STEAP1B: variants seen among roughly 807,000 people sequenced by gnomAD.
STEAP1B encodes STEAP family member 1B, also known as STEAP family protein MGC87042.
In STEAP1B, 13 loss-of-function variants were observed where a neutral mutation model predicts 27.9. That is an observed-to-expected ratio of 0.47 (90% confidence interval 0.30 to 0.74). The LOEUF (loss-of-function observed/expected upper bound fraction) is 0.74, where lower values mean the gene tolerates loss of function less well. Ranked by LOEUF, STEAP1B falls within the 30% of genes least tolerant of loss-of-function variation. The pLI is 0.06. For missense variants in STEAP1B, 250 were observed against 298.7 expected (o/e 0.84, Z 1.20); for synonymous variants, 86 against 107.1 (o/e 0.80, Z 1.22).
chr7:22,466,193 A>G (rs1785779285), intron 4 of STEAP1B, among the ~76,000 whole-genome samples: 1 of 152,128 alleles, frequency 6.6e-6, no homozygotes, highest in South Asian at 2.1e-4. Context: ...AAAGTTGTAT[A>G]TATTTCTTGT....
At chr7:22,474,330 T>C (rs1785935595) in intron 4 of STEAP1B, among the ~76,000 whole-genome samples, 1 of 152,202 alleles carries the variant, frequency 6.6e-6, no homozygotes, top group Non-Finnish European at 1.5e-5. Flanking sequence ...TAAAAAATAC[T>C]GATGCCTGGT....
At chr7:22,479,224 G>C (rs565702866) in intron 4 of STEAP1B, among the ~76,000 whole-genome samples, 1 of 152,154 alleles carries the variant, frequency 6.6e-6, no homozygotes, top group African/African-American at 2.4e-5. Flanking sequence ...CATAAACCAG[G>C]GTGGGGAATG....
chr7:22,452,174 G>A (rs1428811415), intron 4 of STEAP1B, among the ~76,000 whole-genome samples: 1 of 152,168 alleles, frequency 6.6e-6, no homozygotes, highest in Non-Finnish European at 1.5e-5. Context: ...TACCACCCTT[G>A]ACTGAGGGAA....
At position 22,482,106 on chromosome 7, in the gene STEAP1B, G is replaced by C. The variant is rs1786086112; in HGVS notation, c.762+10459C>G. On this transcript the variant is annotated intron_variant, in intron 4 of 4. Coordinates refer to ENST00000678116, the MANE Select transcript of STEAP1B (RefSeq NM_001382447.1). ...AGATTCCCAGAGTCCTGCTTGCAAGGGTAGCTGAGTACAGGCATCTCACCA... is the reference window on the plus strand; with the variant it reads ...AGATTCCCAGAGTCCTGCTTGCAAGCGTAGCTGAGTACAGGCATCTCACCA... Among the ~76,000 whole-genome samples the C allele has an allele frequency of 2.0e-5, 3 of 152,272 alleles. No individual in the cohort carries two copies. The South Asian group carries it at 6.2e-4, about 32-fold the overall frequency.
At chr7:22,487,030 C>T (rs1786222691) in intron 4 of STEAP1B, among the ~76,000 whole-genome samples, 1 of 152,170 alleles carries the variant, frequency 6.6e-6, no homozygotes, top group East Asian at 1.9e-4. Flanking sequence ...TGTCTTTTCA[C>T]ATAGATAGAG....
intron 4 of STEAP1B, among the ~76,000 whole-genome samples, chr7:22,426,105 G>A (rs910398467): frequency 6.6e-6 from 1 of 152,198 alleles, no homozygotes; most frequent in African/African-American, 2.4e-5. Flanking sequence ...CTGCCCTGGA[G>A]GTCAGAAATC....
intron 4 of STEAP1B, among the ~76,000 whole-genome samples, chr7:22,442,788 G>T (rs1433832947): frequency 6.6e-6 from 1 of 152,196 alleles, no homozygotes; most frequent in Admixed American, 6.5e-5. Context: ...AGGGTGTCCT[G>T]GGTTGCCGCC....
chr7:22,437,427 C>T (rs575835212), intron 4 of STEAP1B, among the ~76,000 whole-genome samples: 4 of 152,216 alleles, frequency 2.6e-5, no homozygotes, highest in East Asian at 1.9e-4. Context: ...TCACATATGG[C>T]GGGATTTCCT....
intron 4 of STEAP1B, among the ~76,000 whole-genome samples, chr7:22,432,827 T>G (rs1055721190): frequency 4.6e-5 from 7 of 152,170 alleles, no homozygotes; most frequent in African/African-American, 1.4e-4. Flanking sequence ...ATGTGTACCA[T>G]GATCCACTAC....
At chr7:22,433,901 T>C (rs1483058596) in intron 4 of STEAP1B, among the ~76,000 whole-genome samples, 1 of 152,186 alleles carries the variant, frequency 6.6e-6, no homozygotes, top group Non-Finnish European at 1.5e-5. Flanking sequence ...TCCTTTGTCC[T>C]CTCAACTCCT....
chr7:22,421,457 A>C (rs1439953127), intron 4 of STEAP1B, among the ~76,000 whole-genome samples: 1 of 152,256 alleles, frequency 6.6e-6, no homozygotes, highest in East Asian at 1.9e-4. Context: ...AGGTGTCAGA[A>C]GCCACACAGC....
chr7:22,454,840 T>TAAATATAAATATAA (rs1258577226), intron 4 of STEAP1B, among the ~76,000 whole-genome samples: 1 of 85,046 alleles, frequency 1.2e-5, no homozygotes, highest in Non-Finnish European at 2.4e-5. Flanking sequence ...TATATATATA[T>TAAATATAAATATAA]ATATATATGT....
At chr7:22,448,762 G>T (rs1302905954) in intron 4 of STEAP1B, among the ~76,000 whole-genome samples, 1 of 152,106 alleles carries the variant, frequency 6.6e-6, no homozygotes, top group Non-Finnish European at 1.5e-5. Flanking sequence ...ATCTTATTAG[G>T]AAAGAGTACA....
At chr7:22,449,028 G>A (rs1303509710) in intron 4 of STEAP1B, among the ~76,000 whole-genome samples, 1 of 152,158 alleles carries the variant, frequency 6.6e-6, no homozygotes. Context: ...TATAGTAGGT[G>A]TATGTATTTA....
intron 4 of STEAP1B, among the ~76,000 whole-genome samples, chr7:22,487,227 A>G (rs761601476): frequency 6.6e-6 from 1 of 151,820 alleles, no homozygotes; most frequent in African/African-American, 2.4e-5. Context: ...TGAGCCCAGG[A>G]GTTTGGGGCT....
intron 4 of STEAP1B, among the ~76,000 whole-genome samples, chr7:22,431,576 A>G (rs740294): frequency 0.68 from 103,253 of 152,132 alleles, 35,912 homozygotes; most frequent in Non-Finnish European, 0.75. Flanking sequence ...TAGAAGAGGC[A>G]TGATACCTGT....
At chr7:22,431,113 A>G (rs1785181721) in intron 4 of STEAP1B, among the ~76,000 whole-genome samples, 1 of 152,244 alleles carries the variant, frequency 6.6e-6, no homozygotes, top group South Asian at 2.1e-4. Flanking sequence ...CAGAAACTTG[A>G]ACTCAAATTG....
chr7:22,441,622 T>C (rs1159792473), intron 4 of STEAP1B, among the ~76,000 whole-genome samples: 2 of 152,208 alleles, frequency 1.3e-5, no homozygotes, highest in African/African-American at 4.8e-5. Context: ...ATAGAACACA[T>C]GGCCCCCCAC....
intron 4 of STEAP1B, among the ~76,000 whole-genome samples, chr7:22,456,207 T>G (rs1419380284): frequency 6.6e-6 from 1 of 152,178 alleles, no homozygotes; most frequent in Non-Finnish European, 1.5e-5. Flanking sequence ...ACTCCACCAG[T>G]TCAATTACTG....
Sources: gnomAD v4.1 joint callset for allele counts (sites outside exome capture counted in the v4.1 genomes callset) on GRCh38, gnomAD v4.1.1 for gene constraint, MANE v1.5 for transcripts, NCBI Gene and HGNC (gene_info 2026-07-23, HGNC 2026-07-21) for gene names.